LARP1B: variants seen among roughly 807,000 people sequenced by gnomAD.
The protein encoded by LARP1B is La ribonucleoprotein 1B.
In LARP1B, 76 loss-of-function variants were observed where a neutral mutation model predicts 114.2. The observed-to-expected ratio is 0.67, with a 90% CI of 0.55 to 0.81. The LOEUF (loss-of-function observed/expected upper bound fraction) is 0.81. Ranked by LOEUF, LARP1B falls within the 30% of genes least tolerant of loss-of-function variation. LARP1B has a pLI of 0.00. For missense variants in LARP1B, 1,014 were observed against 1,075.8 expected, an observed-to-expected ratio of 0.94 and a Z score of 0.80; for synonymous variants, 345 against 348.0, an observed-to-expected ratio of 0.99 and a Z score of 0.10.
At position 128,168,366 on chromosome 4, in the gene LARP1B, A is replaced by G. The variant is rs371622840; in HGVS notation, c.1648+6049A>G. Among the ~76,000 whole-genome samples the G allele has an allele frequency of 3.2e-4, 48 of 151,870 alleles. No individual in the cohort carries two copies. The East Asian group carries it at 3.5e-3, about 11-fold the overall frequency. On this transcript the variant is annotated intron_variant, in intron 12 of 19. Transcript: ENST00000326639. ...GTATCTTTTTATGTGCTTATTTGCC[A>G]TCAGTTTATGCTTGGTAAAGTGCCT...
At chr4:128,212,402 G>T (rs1759116869), downstream of LARP1B, among the ~76,000 whole-genome samples, 1 of 152,084 alleles carries the variant, frequency 6.6e-6, no homozygotes, top group Non-Finnish European at 1.5e-5. Flanking sequence ...CCAGCACTTT[G>T]GGAGGCTGAG....
In LARP1B at chr4:128,162,174, A is replaced by C; in HGVS notation, c.1525-20A>C. 6.2e-7 allele frequency: 1 copy of C among 1,609,270 alleles called. No individual in the cohort carries two copies. Among genetic ancestry groups the C allele is most frequent in the Non-Finnish European group, 8.5e-7 (1 of 1,177,290 alleles). On this transcript the variant is annotated intron_variant, in intron 11 of 19. Coordinates refer to ENST00000326639, the MANE Select transcript of LARP1B (RefSeq NM_018078.4). Reference sequence around the variant, plus strand: ...CTCTGTTAGCCAGTTTAGTAATTAGATTCCTCCATTCTACTTCAGCAAGAA... The same window carrying C: ...CTCTGTTAGCCAGTTTAGTAATTAGCTTCCTCCATTCTACTTCAGCAAGAA...
intron 5 of LARP1B, 67 bp from the exon 6 acceptor site, chr4:128,090,934 C>A: frequency 3.9e-6 from 5 of 1,266,084 alleles, no homozygotes; most frequent in Non-Finnish European, 5.5e-6. Flanking sequence ...ATTATGTTTT[C>A]ATAAAGACAA....
chr4:128,155,728 C>G (rs1465234577), intron 11 of LARP1B: 39 of 1,607,850 alleles, frequency 2.4e-5, no homozygotes, highest in Admixed American at 3.3e-5. Context: ...AAGGCCCGAG[C>G]GGAACAAGCT....
At chr4:128,179,118 T>G (rs1010532376) in intron 14 of LARP1B, among the ~76,000 whole-genome samples, 5 of 152,052 alleles carry the variant, frequency 3.3e-5, no homozygotes, top group Admixed American at 3.3e-4. Context: ...ACAAAAACCT[T>G]TTTTACAATT....
intron 12 of LARP1B, among the ~76,000 whole-genome samples, chr4:128,169,326 C>T (rs1742517242): frequency 6.6e-6 from 1 of 151,728 alleles, no homozygotes; most frequent in Admixed American, 6.6e-5. Flanking sequence ...TATTTGACAC[C>T]ATTTTTCTTT....
At chr4:128,184,986 A>G (rs2150729777) in intron 15 of LARP1B, among the ~76,000 whole-genome samples, 1 of 152,292 alleles carries the variant, frequency 6.6e-6, no homozygotes, top group African/African-American at 2.4e-5. Flanking sequence ...ATGTATGTGC[A>G]TATATTTACA....
chr4:128,096,303 A>G (rs981319707), intron 7 of LARP1B, among the ~76,000 whole-genome samples: 1 of 152,094 alleles, frequency 6.6e-6, no homozygotes, highest in Non-Finnish European at 1.5e-5. Flanking sequence ...TATGGAGGCT[A>G]TAATTTAAAC....
intron 11 of LARP1B, 128 bp from the exon 12 acceptor site, chr4:128,162,066 C>T (rs928490309): frequency 1.9e-5 from 14 of 725,376 alleles, no homozygotes; most frequent in South Asian, 8.5e-5. Flanking sequence ...TTTATTAGAA[C>T]GTCTTTTTCA....
chr4:128,116,499 A>C (rs1785868402), intron 10 of LARP1B, among the ~76,000 whole-genome samples: 1 of 152,210 alleles, frequency 6.6e-6, no homozygotes, highest in Non-Finnish European at 1.5e-5. Context: ...AGGGGATGGA[A>C]GGTATTGAGA....
intron 17 of LARP1B, among the ~76,000 whole-genome samples, chr4:128,205,993 T>A (rs2150938638): frequency 6.6e-6 from 1 of 152,206 alleles, no homozygotes; most frequent in South Asian, 2.1e-4. Flanking sequence ...CCAGTTCAGT[T>A]AAAAATCTGC....
At chr4:128,135,391 A>G (rs572059908) in intron 11 of LARP1B, among the ~76,000 whole-genome samples, 63 of 152,276 alleles carry the variant, frequency 4.1e-4, no homozygotes, top group South Asian at 1.9e-3. Context: ...GGATAGAAAT[A>G]TCATGTTATC....
intron 11 of LARP1B, among the ~76,000 whole-genome samples, chr4:128,158,989 G>A (rs1581134758): frequency 6.7e-6 from 1 of 150,088 alleles, no homozygotes; most frequent in East Asian, 2.0e-4. Flanking sequence ...GGGCAACATA[G>A]TGAGACTTCA....
Position 128,178,414 on chromosome 4 carries a change from A to C in LARP1B, c.1685-17A>C. The C allele has an allele frequency of 6.4e-7, 1 of 1,551,958 alleles. No homozygotes were observed. Among genetic ancestry groups the C allele is most frequent in the Non-Finnish European group, 8.8e-7 (1 of 1,132,912 alleles). On this transcript the variant is annotated splice_polypyrimidine_tract_variant and intron_variant, in intron 13 of 19. Transcript: ENST00000326639. ...TTCCTAGCATCTAAATAATTTTAAG[A>C]GTTTTTTATTTTGCAGATTTGACTG...
chr4:128,111,905 G>A (rs1784249836), intron 9 of LARP1B, among the ~76,000 whole-genome samples: 2 of 150,998 alleles, frequency 1.3e-5, no homozygotes, highest in African/African-American at 4.9e-5. Context: ...GGCCAGGCTG[G>A]TCTTGAACTC....
intron 7 of LARP1B, among the ~76,000 whole-genome samples, chr4:128,095,458 C>CA (rs1777555001): frequency 6.9e-6 from 1 of 144,646 alleles, no homozygotes; most frequent in Non-Finnish European, 1.5e-5. Flanking sequence ...CATCCCACTC[C>CA]AGCCTGGGCA....
intron 15 of LARP1B, among the ~76,000 whole-genome samples, chr4:128,198,874 A>G (rs1755081758): frequency 6.6e-6 from 1 of 152,234 alleles, no homozygotes; most frequent in Admixed American, 6.5e-5. Context: ...ATTTAGGTCT[A>G]TATTTGAATT....
chr4:128,129,666 G>A (rs1790933957), intron 11 of LARP1B, among the ~76,000 whole-genome samples: 4 of 152,268 alleles, frequency 2.6e-5, no homozygotes, highest in Admixed American at 1.3e-4. Context: ...TACGGTACTG[G>A]TGAAAGAATA....
chr4:128,118,377 G>A (rs1428834048), intron 10 of LARP1B, among the ~76,000 whole-genome samples: 2 of 150,878 alleles, frequency 1.3e-5, no homozygotes, highest in East Asian at 2.0e-4. Flanking sequence ...GACTACAGGC[G>A]CTTGCCACCA....
Sources: allele counts gnomAD v4.1 joint callset (sites outside exome capture counted in the v4.1 genomes callset), GRCh38; gene constraint gnomAD v4.1.1; transcripts MANE v1.5; gene names NCBI Gene and HGNC (gene_info 2026-07-23, HGNC 2026-07-21).